The following CGGBP1 variants were observed in gnomAD, a reference collection of about 807,000 sequenced individuals.
CGGBP1 encodes the protein CGG triplet repeat-binding protein 1.
In CGGBP1, 4 loss-of-function variants were observed where a neutral mutation model predicts 11.4. The observed-to-expected ratio is 0.35, with a 90% confidence interval of 0.17 to 0.80. CGGBP1 has a LOEUF of 0.80. Among genes scored for constraint, CGGBP1 ranks in the 30% least tolerant of loss-of-function variants. The pLI, the probability that CGGBP1 is intolerant of heterozygous loss-of-function variation, is 0.52. For missense variants in CGGBP1, 135 were observed against 202.1 expected (o/e 0.67, Z 2.01); for synonymous variants, 76 against 74.1 (o/e 1.03, Z -0.13).
chr3:88,126,807 T>A (rs1401652688), intron 2 of CGGBP1, among the ~76,000 whole-genome samples: 5 of 152,140 alleles, frequency 3.3e-5, no homozygotes, highest in African/African-American at 1.2e-4. Flanking sequence ...TGTGAGTGAA[T>A]AAGTGACTAA....
At chr3:88,086,705 C>G (rs913947030) in intron 2 of CGGBP1, among the ~76,000 whole-genome samples, 2 of 152,144 alleles carry the variant, frequency 1.3e-5, no homozygotes, top group Non-Finnish European at 2.9e-5. Context: ...CAGAATACAG[C>G]AGTTTAGGCT....
chr3:88,089,255 G>T (rs9310070), intron 2 of CGGBP1, among the ~76,000 whole-genome samples: 114,269 of 146,322 alleles, frequency 0.78, 45,547 homozygotes, highest in South Asian at 0.91. Context: ...ACTTTGGGAG[G>T]CCGAGGCGGG....
upstream of CGGBP1, among the ~76,000 whole-genome samples, chr3:88,061,776 T>C (rs1706899207): frequency 6.6e-6 from 1 of 152,334 alleles, no homozygotes; most frequent in Admixed American, 6.5e-5. Context: ...TTTCTGACAC[T>C]GAGGCTAATA....
chr3:88,141,741 A>G, intron 1 of CGGBP1: 1 of 1,052,788 alleles, frequency 9.5e-7, no homozygotes, highest in Non-Finnish European at 1.3e-6. Context: ...TATTTCCCTG[A>G]TGGCCTTAAT....
At chr3:88,083,173 A>G (rs1402229965) in intron 2 of CGGBP1, among the ~76,000 whole-genome samples, 2 of 152,180 alleles carry the variant, frequency 1.3e-5, no homozygotes, top group East Asian at 1.9e-4. Flanking sequence ...GTCTTCAAAT[A>G]CAGTCCCATC....
chr3:88,136,915 C>G (rs1706819526), intron 2 of CGGBP1, among the ~76,000 whole-genome samples: 1 of 152,004 alleles, frequency 6.6e-6, no homozygotes, highest in African/African-American at 2.4e-5. Flanking sequence ...AGGATGTAGG[C>G]TGGGCGCGAT....
intron 2 of CGGBP1, among the ~76,000 whole-genome samples, chr3:88,086,577 A>C (rs979996655): frequency 6.6e-6 from 1 of 152,148 alleles, no homozygotes; most frequent in African/African-American, 2.4e-5. Context: ...CCATAATTTT[A>C]CTTTAAGTTT....
At chr3:88,126,859 C>G (rs1416995065) in intron 2 of CGGBP1, among the ~76,000 whole-genome samples, 2 of 152,158 alleles carry the variant, frequency 1.3e-5, no homozygotes, top group Non-Finnish European at 2.9e-5. Flanking sequence ...ATTTCCCAAA[C>G]TTCATGCATT....
At chr3:88,109,981 C>G (rs1217905945) in intron 2 of CGGBP1, among the ~76,000 whole-genome samples, 2 of 152,024 alleles carry the variant, frequency 1.3e-5, no homozygotes, top group Non-Finnish European at 2.9e-5. Flanking sequence ...TGTTACATTT[C>G]AACAAAATTG....
chr3:88,065,720 T>TTTA (rs1198719306), intron 2 of CGGBP1, among the ~76,000 whole-genome samples: 1 of 152,052 alleles, frequency 6.6e-6, no homozygotes, highest in African/African-American at 2.4e-5. Flanking sequence ...TCACAGATTG[T>TTTA]TTATTATTAT....
At chr3:88,086,160 T>G in intron 2 of CGGBP1, 2 of 1,137,946 alleles carry the variant, frequency 1.8e-6, no homozygotes, top group Non-Finnish European at 2.4e-6. Context: ...CATGCCGATC[T>G]AATATTTTAA....
At chr3:88,086,205 C>T (rs1205317974) in intron 2 of CGGBP1, 13 of 1,476,668 alleles carry the variant, frequency 8.8e-6, no homozygotes, top group East Asian at 7.4e-5. Context: ...TTTTTAAACT[C>T]GAGATGTTGA....
chr3:88,096,548 A>C (rs1290020647), intron 2 of CGGBP1, among the ~76,000 whole-genome samples: 2 of 152,124 alleles, frequency 1.3e-5, no homozygotes, highest in Non-Finnish European at 1.5e-5. Context: ...TCCACTGATT[A>C]TTGAATTTTA....
At chr3:88,086,774 T>G (rs1347170504) in intron 2 of CGGBP1, among the ~76,000 whole-genome samples, 2 of 152,070 alleles carry the variant, frequency 1.3e-5, no homozygotes, top group East Asian at 1.9e-4. Context: ...AAATCCTGTT[T>G]GTTTGTTTTG....
chr3:88,122,916 A>G (rs1424588811), intron 2 of CGGBP1, among the ~76,000 whole-genome samples: 2 of 151,676 alleles, frequency 1.3e-5, no homozygotes, highest in Non-Finnish European at 1.5e-5. Context: ...AGGGTGAGGC[A>G]GGAGAAACAC....
chr3:88,053,879 T>C lies in CGGBP1; in HGVS notation c.*1594A>G, dbSNP rs1559677219. On this transcript the variant is annotated 3_prime_UTR_variant, in exon 4 of 4. Coordinates refer to ENST00000482016, the MANE Select transcript of CGGBP1 (RefSeq NM_001008390.2). ...ATTTATCATACTACTTTAACATAAC[T>C]GAACATGAGGAAAACAGTTCACATT... is the stretch of plus-strand genomic sequence containing the variant. 1 of 152,568 alleles carries C rather than the reference T, an allele frequency of 6.6e-6. No individual in the cohort carries two copies. Among genetic ancestry groups the C allele is most frequent in the Non-Finnish European group, 1.5e-5 (1 of 67,986 alleles). The allele number at this position is 152,568 out of a possible 1,614,324, so 9.5% of individuals were successfully genotyped here. A position where few individuals can be genotyped will look rare whatever the true frequency, so the allele number is the denominator to read the frequency against.
chr3:88,059,235 C>T (rs1706686954), upstream of CGGBP1: 2 of 1,517,710 alleles, frequency 1.3e-6, no homozygotes, highest in Admixed American at 4.1e-5. Context: ...GGGGAGGGAA[C>T]TAGAGAGGAG....
At chr3:88,059,486 A>G, upstream of CGGBP1, 1 of 1,502,152 alleles carries the variant, frequency 6.7e-7, no homozygotes, top group Non-Finnish European at 8.8e-7. Context: ...AGTCGGGATT[A>G]CTGCCGACGC....
chr3:88,126,408 T>A (rs1236064330), intron 2 of CGGBP1: 2 of 1,025,568 alleles, frequency 2.0e-6, no homozygotes, highest in Admixed American at 7.9e-5. Context: ...ACATGAAAAG[T>A]GTTTGTTTTT....
Sources: gnomAD v4.1 joint callset for allele counts (sites outside exome capture counted in the v4.1 genomes callset) on GRCh38, gnomAD v4.1.1 for gene constraint, MANE v1.5 for transcripts, NCBI Gene and HGNC (gene_info 2026-07-23, HGNC 2026-07-21) for gene names.